NALF1: variants seen among roughly 807,000 people sequenced by gnomAD.
NALF1 encodes NALCN channel auxiliary factor 1.
A neutral mutation model predicts 48.4 loss-of-function variants in NALF1; 3 were observed. That is an observed-to-expected ratio of 0.06 (90% CI 0.03 to 0.16). The LOEUF is 0.16. Ranked by LOEUF, NALF1 falls within the 10% of genes least tolerant of loss-of-function variation. NALF1 has a pLI of 1.00. For synonymous variants in NALF1, 262 were observed against 245.7 expected (o/e 1.07, Z -0.62); for missense variants, 526 against 571.5 (o/e 0.92, Z 0.81).
chr13:107,390,836 T>C (rs1594151208), intron 1 of NALF1, among the ~76,000 whole-genome samples: 1 of 151,394 alleles, frequency 6.6e-6, no homozygotes, highest in Admixed American at 6.6e-5. Context: ...ATCCTTTTTG[T>C]ACATCTACAC....
At chr13:107,498,015 T>A (rs1331168429) in intron 1 of NALF1, among the ~76,000 whole-genome samples, 2 of 151,082 alleles carry the variant, frequency 1.3e-5, no homozygotes, top group Admixed American at 1.3e-4. Flanking sequence ...TAAGTTCTGG[T>A]TTTCATGCCA....
intron 1 of NALF1, among the ~76,000 whole-genome samples, chr13:107,637,749 A>G (rs913968263): frequency 2.6e-5 from 4 of 152,136 alleles, no homozygotes; most frequent in African/African-American, 9.7e-5. Context: ...ATAATCCAAT[A>G]AAGAGTCGCA....
chr13:107,628,856 A>T (rs1440798110), intron 1 of NALF1, among the ~76,000 whole-genome samples: 1 of 152,162 alleles, frequency 6.6e-6, no homozygotes, highest in Non-Finnish European at 1.5e-5. Context: ...TTAACCAGGA[A>T]TTAAGAAGTG....
intron 1 of NALF1, among the ~76,000 whole-genome samples, chr13:107,482,594 GAAAT>G (rs1452917432): frequency 6.6e-6 from 1 of 152,120 alleles, no homozygotes; most frequent in Non-Finnish European, 1.5e-5. Flanking sequence ...GAACACATGA[GAAAT>G]AAACATAGCT....
Position 107,181,507 on chromosome 13 carries a change from T to C in NALF1, c.1088-10721A>G, listed in dbSNP as rs532819652. 1.4e-4 allele frequency among the ~76,000 whole-genome samples: 22 copies of C among 151,984 alleles called. No individual in the cohort carries two copies. The East Asian group carries it at 4.3e-3, about 29-fold the overall frequency. On this transcript the variant is annotated intron_variant, in intron 2 of 2. Transcript: ENST00000375915. ...TTTTGTTTTAGTTTTGTTTGATACA[T>C]TTTATAGAGTACTTTTATAACTTAT... is the stretch of plus-strand genomic sequence containing the variant.
chr13:107,419,059 C>T (rs1045763125), intron 1 of NALF1, among the ~76,000 whole-genome samples: 2 of 152,150 alleles, frequency 1.3e-5, no homozygotes, highest in Admixed American at 6.6e-5. Flanking sequence ...ATGACAGCAT[C>T]AGTGAAGTTT....
At chr13:107,579,586 C>CTTTCTTTTCT (rs113622994) in intron 1 of NALF1, among the ~76,000 whole-genome samples, 172 of 150,800 alleles carry the variant, frequency 1.1e-3, no homozygotes, top group African/African-American at 3.9e-3. Flanking sequence ...AGTCTGATGC[C>CTTTCTTTTCT]TTTCTTTTCT....
intron 1 of NALF1, among the ~76,000 whole-genome samples, chr13:107,588,588 T>A (rs1393575163): frequency 6.6e-6 from 1 of 152,176 alleles, no homozygotes; most frequent in East Asian, 1.9e-4. Flanking sequence ...TTGGTGCCTG[T>A]AAATCTGCTG....
At chr13:107,264,623 G>C (rs1446066731) in intron 1 of NALF1, among the ~76,000 whole-genome samples, 1 of 152,088 alleles carries the variant, frequency 6.6e-6, no homozygotes, top group Non-Finnish European at 1.5e-5. Context: ...CATCAGTTTC[G>C]ACCCCTTGCC....
chr13:107,229,964 T>C (rs187735504), intron 1 of NALF1, among the ~76,000 whole-genome samples: 4 of 152,230 alleles, frequency 2.6e-5, no homozygotes, highest in African/African-American at 7.2e-5. Flanking sequence ...CGATGGAAGA[T>C]TGGGCCAAGT....
chr13:107,189,031 T>C (rs1342010161), intron 2 of NALF1, among the ~76,000 whole-genome samples: 3 of 152,192 alleles, frequency 2.0e-5, no homozygotes. Flanking sequence ...CTCTAAAGAC[T>C]GAAAAACGAT....
intron 1 of NALF1, among the ~76,000 whole-genome samples, chr13:107,410,436 GA>G (rs1423350756): frequency 6.6e-6 from 1 of 152,104 alleles, no homozygotes; most frequent in African/African-American, 2.4e-5. Context: ...ACCTTCCACT[GA>G]AAAGACATTG....
chr13:107,332,610 A>T (rs1882489596), intron 1 of NALF1, among the ~76,000 whole-genome samples: 1 of 152,238 alleles, frequency 6.6e-6, no homozygotes, highest in Non-Finnish European at 1.5e-5. Context: ...AAATGATTTA[A>T]AAACAATATT....
intron 1 of NALF1, among the ~76,000 whole-genome samples, chr13:107,738,802 T>C (rs776305736): frequency 1.3e-5 from 2 of 152,002 alleles, no homozygotes; most frequent in African/African-American, 4.8e-5. Flanking sequence ...TAGGTGGGAC[T>C]ACAGGTGCCT....
intron 1 of NALF1, among the ~76,000 whole-genome samples, chr13:107,599,356 A>T (rs1399588016): frequency 6.6e-6 from 1 of 150,726 alleles, no homozygotes; most frequent in Admixed American, 6.6e-5. Context: ...TGGGAGGCGG[A>T]GCTTGCAGTG....
intron 1 of NALF1, among the ~76,000 whole-genome samples, chr13:107,664,116 T>C (rs967131050): frequency 1.3e-5 from 2 of 152,174 alleles, no homozygotes; most frequent in African/African-American, 4.8e-5. Flanking sequence ...ATTTTCTCCA[T>C]CAAACCTGCC....
intron 1 of NALF1, among the ~76,000 whole-genome samples, chr13:107,775,416 T>A (rs1277606764): frequency 6.6e-6 from 1 of 151,096 alleles, no homozygotes; most frequent in Non-Finnish European, 1.5e-5. Context: ...TAGTATTCCA[T>A]GGTGTATATG....
chr13:107,257,786 G>T (rs1594092624), intron 1 of NALF1, among the ~76,000 whole-genome samples: 1 of 152,134 alleles, frequency 6.6e-6, no homozygotes, highest in East Asian at 1.9e-4. Flanking sequence ...GGTGGTGGGA[G>T]GTAGGGGATG....
intron 1 of NALF1, among the ~76,000 whole-genome samples, chr13:107,567,283 A>C (rs534406441): frequency 6.6e-6 from 1 of 152,346 alleles, no homozygotes; most frequent in East Asian, 1.9e-4. Context: ...TATTAGACAT[A>C]TTTTAATTGA....
Sources: gnomAD v4.1 joint callset for allele counts (sites outside exome capture counted in the v4.1 genomes callset) on GRCh38, gnomAD v4.1.1 for gene constraint, MANE v1.5 for transcripts, NCBI Gene and HGNC (gene_info 2026-07-23, HGNC 2026-07-21) for gene names.